Variants in CERS6 observed in about 807,000 individuals in gnomAD.
CERS6 encodes LAG1 homolog, ceramide synthase 6.
Under a neutral mutation model 56.8 loss-of-function variants are expected in CERS6, and 26 were observed. That is an observed-to-expected ratio of 0.46 (90% confidence interval 0.34 to 0.63). CERS6 has a LOEUF of 0.63. Ranked by LOEUF, CERS6 falls within the 30% of genes least tolerant of loss-of-function variation. CERS6 has a pLI of 0.01. For synonymous variants in CERS6, 164 were observed against 173.3 expected (o/e 0.95, Z 0.42); for missense variants, 415 against 467.5 (o/e 0.89, Z 1.04).
At chr2:168,571,460 G>A (rs1208082164) in intron 3 of CERS6, among the ~76,000 whole-genome samples, 1 of 152,122 alleles carries the variant, frequency 6.6e-6, no homozygotes, top group Non-Finnish European at 1.5e-5. Flanking sequence ...TAAGATGGTG[G>A]TAGTGGAGGA....
Position 168,607,779 on chromosome 2 carries a change from T to G in CERS6, c.408-23206T>G, listed in dbSNP as rs1684088264. 3.9e-5 allele frequency among the ~76,000 whole-genome samples: 6 copies of G among 151,998 alleles called. No individual in the cohort carries two copies. The South Asian group carries it at 1.2e-3, about 32-fold the overall frequency. ...GGTTTGCTGCAAAATTTTAAATCAATCAGTAGTCATTACAATATATTTTGG... is the reference window on the plus strand; with the variant it reads ...GGTTTGCTGCAAAATTTTAAATCAAGCAGTAGTCATTACAATATATTTTGG... On this transcript the variant is annotated intron_variant, in intron 3 of 9. Transcript: ENST00000305747.
intron 6 of CERS6, among the ~76,000 whole-genome samples, chr2:168,699,038 C>T (rs898278196): frequency 1.3e-4 from 20 of 152,172 alleles, no homozygotes; most frequent in African/African-American, 4.8e-4. Context: ...CACAGGTTTT[C>T]ATTAGGAAGG....
intron 5 of CERS6, among the ~76,000 whole-genome samples, chr2:168,693,698 T>G (rs1396781214): frequency 1.3e-5 from 2 of 151,972 alleles, no homozygotes; most frequent in Non-Finnish European, 2.9e-5. Flanking sequence ...TGTCCCTTCT[T>G]CTAAGGGCAC....
At chr2:168,622,086 C>T (rs1684485182) in intron 3 of CERS6, among the ~76,000 whole-genome samples, 2 of 152,076 alleles carry the variant, frequency 1.3e-5, no homozygotes, top group Non-Finnish European at 1.5e-5. Flanking sequence ...AATAAAAACC[C>T]ACCCAGTAAT....
At chr2:168,528,488 T>C (rs898259595) in intron 1 of CERS6, among the ~76,000 whole-genome samples, 9 of 152,196 alleles carry the variant, frequency 5.9e-5, no homozygotes, top group Non-Finnish European at 1.3e-4. Context: ...TATTTCTTAT[T>C]TTAAATTCTG....
chr2:168,621,666 A>G (rs1393036578), intron 3 of CERS6, among the ~76,000 whole-genome samples: 1 of 152,194 alleles, frequency 6.6e-6, no homozygotes, highest in Admixed American at 6.5e-5. Flanking sequence ...AGGGTAGTCA[A>G]CTTGGAGAGA....
intron 2 of CERS6, among the ~76,000 whole-genome samples, chr2:168,557,504 C>G (rs1253543944): frequency 6.6e-6 from 1 of 151,934 alleles, no homozygotes; most frequent in Non-Finnish European, 1.5e-5. Flanking sequence ...CTGGTACTGG[C>G]GCATTAATAA....
At chr2:168,601,199 TC>T (rs1049025037) in intron 3 of CERS6, among the ~76,000 whole-genome samples, 4 of 152,218 alleles carry the variant, frequency 2.6e-5, no homozygotes, top group Admixed American at 6.5e-5. Flanking sequence ...CAGGTGGCTT[TC>T]TTTTACCACC....
At chr2:168,680,032 C>T (rs756572899) in intron 4 of CERS6, among the ~76,000 whole-genome samples, 18 of 152,192 alleles carry the variant, frequency 1.2e-4, no homozygotes, top group Non-Finnish European at 2.2e-4. Context: ...CGAACTACGG[C>T]ATTTTCAAAG....
Position 168,579,667 on chromosome 2 carries a change from ACCTGGAGCT to A in CERS6, c.407+18348_407+18356del, listed in dbSNP as rs1005213779. 4.6e-5 allele frequency among the ~76,000 whole-genome samples: 7 copies of A among 151,948 alleles called. No homozygotes were observed. The East Asian group carries it at 7.7e-4, about 17-fold the overall frequency. On this transcript the variant is annotated intron_variant, in intron 3 of 9. Coordinates refer to ENST00000305747, the MANE Select transcript of CERS6 (RefSeq NM_203463.3). The stretch of plus-strand genomic sequence containing the variant: ...ACCCTTGCCTGGCACAGGTATACCC[ACCTGGAGCT>A]CCCATGAGAGCCCTCCCCGTCTCTG...
intron 4 of CERS6, among the ~76,000 whole-genome samples, chr2:168,662,866 T>C (rs910431887): frequency 3.9e-5 from 6 of 152,374 alleles, no homozygotes; most frequent in African/African-American, 1.4e-4. Context: ...TGTTGGCATA[T>C]AGTAACTACT....
chr2:168,551,133 T>G (rs1161248604), intron 2 of CERS6, among the ~76,000 whole-genome samples: 3 of 152,224 alleles, frequency 2.0e-5, no homozygotes, highest in Admixed American at 6.5e-5. Flanking sequence ...CAACCCCAAA[T>G]GTGGACCCTT....
At chr2:168,471,237 A>G (rs2105324876) in intron 1 of CERS6, among the ~76,000 whole-genome samples, 1 of 152,286 alleles carries the variant, frequency 6.6e-6, no homozygotes, top group Non-Finnish European at 1.5e-5. Context: ...GAATCTCCTC[A>G]TTGGGAAGGG....
chr2:168,729,030 A>AAT (rs397963272), intron 8 of CERS6, among the ~76,000 whole-genome samples: 1 of 150,716 alleles, frequency 6.6e-6, no homozygotes, highest in African/African-American at 2.4e-5. Context: ...AAAAAAAAAA[A>AAT]GGTGCATTGT....
intron 4 of CERS6, among the ~76,000 whole-genome samples, chr2:168,633,216 C>A (rs1004466912): frequency 4.7e-5 from 7 of 148,930 alleles, no homozygotes; most frequent in Admixed American, 2.0e-4. Context: ...AGACACTGTT[C>A]TTCTTGTTGA....
chr2:168,547,310 A>G (rs1695484605), intron 1 of CERS6, among the ~76,000 whole-genome samples: 1 of 152,142 alleles, frequency 6.6e-6, no homozygotes, highest in Admixed American at 6.5e-5. Context: ...ATACACTTAT[A>G]TTTTCATCTC....
rs34492119 is a variant in CERS6 at position 168,484,167 on chromosome 2, GTTTTTTTTTTTTTT to G, written c.170+27567_170+27580del. ...TTTTCTTTTTCTTTTTCTTTTTTCT[GTTTTTTTTTTTTTT>G]TTTTTTTTTTTTTTTTTGAGACGGA... On this transcript the variant is annotated intron_variant, in intron 1 of 9. Coordinates refer to ENST00000305747, the MANE Select transcript of CERS6 (RefSeq NM_203463.3). Among the ~76,000 whole-genome samples the G allele has an allele frequency of 3.3e-3, 170 of 51,610 alleles. 1 individual carries two copies. The highest frequency in any genetic ancestry group is 0.018 in the Middle Eastern group (1 of 56). The allele number at this position is 51,610 out of a possible 152,430, so 33.9% of individuals were successfully genotyped here.
chr2:168,672,246 C>G (rs1469915116), intron 4 of CERS6, among the ~76,000 whole-genome samples: 1 of 152,194 alleles, frequency 6.6e-6, no homozygotes, highest in Non-Finnish European at 1.5e-5. Flanking sequence ...ATGTCCTTTT[C>G]CAACATTGCC....
intron 8 of CERS6, among the ~76,000 whole-genome samples, chr2:168,763,671 G>A (rs568342342): frequency 6.6e-6 from 1 of 152,026 alleles, no homozygotes; most frequent in Non-Finnish European, 1.5e-5. Flanking sequence ...TATATGAGTG[G>A]TCTGTGTCTT....
Sources: allele counts gnomAD v4.1 joint callset (sites outside exome capture counted in the v4.1 genomes callset), GRCh38; gene constraint gnomAD v4.1.1; transcripts MANE v1.5; gene names NCBI Gene and HGNC (gene_info 2026-07-23, HGNC 2026-07-21).